The following LYPD5 variants were observed in gnomAD, a reference collection of about 807,000 sequenced individuals.
LYPD5 encodes ly6/PLAUR domain-containing protein 5.
LYPD5 carries 21 observed loss-of-function variants against 19.1 expected under a neutral mutation model. That is an observed-to-expected ratio of 1.10 (90% CI 0.78 to 1.58). LYPD5 has a LOEUF of 1.58. Among genes scored for constraint, LYPD5 ranks in the 40% most tolerant of loss-of-function variants. The probability of loss-of-function intolerance (pLI) is 0.00; values close to 1 mark genes in which losing one functional copy is unlikely to be tolerated. For synonymous variants in LYPD5, 128 were observed against 142.7 expected (o/e 0.90, Z 0.74); for missense variants, 287 against 329.8 (o/e 0.87, Z 1.00).
At chr19:43,807,262 CTTTCTTTTCT>C (rs148332176), upstream of LYPD5, among the ~76,000 whole-genome samples, 5 of 123,346 alleles carry the variant, frequency 4.1e-5, no homozygotes, top group South Asian at 2.4e-4. Flanking sequence ...ACCTCATTTT[CTTTCTTTTCT>C]TTTCTTTTCT....
chr19:43,815,851 C>T, intron 1 of LYPD5: 1 of 263,742 alleles, frequency 3.8e-6, no homozygotes, highest in Non-Finnish European at 7.4e-6. Context: ...GATTCCCCTG[C>T]CTCAGCCTCC....
At chr19:43,801,687 C>T (rs1970224853) in intron 1 of LYPD5, among the ~76,000 whole-genome samples, 1 of 152,158 alleles carries the variant, frequency 6.6e-6, no homozygotes, top group Non-Finnish European at 1.5e-5. Context: ...AAAACCTATA[C>T]AGAGAAACAC....
At chr19:43,812,359 A>ATCTG (rs1186810407) in intron 1 of LYPD5, among the ~76,000 whole-genome samples, 2 of 141,020 alleles carry the variant, frequency 1.4e-5, no homozygotes, top group East Asian at 4.0e-4. Flanking sequence ...CTATCTATCT[A>ATCTG]TCTATCTATC....
rs349046 is a variant in LYPD5, at chr19:43,796,474, C to T, written c.*1117G>A. The T allele has an allele frequency of 0.45, 68,209 of 152,402 alleles. 15,859 individuals carry two copies. Among genetic ancestry groups the T allele is most frequent in the South Asian group, 0.61 (2,956 of 4,820 alleles). The allele number at this position is 152,402 out of a possible 1,614,324, so 9.4% of individuals were successfully genotyped here. A position where few individuals can be genotyped will look rare whatever the true frequency, so the allele number is the denominator to read the frequency against. On this transcript the variant is annotated 3_prime_UTR_variant, in exon 5 of 5. Transcript: ENST00000377950. ...CAGGCTGTCTCCTCTACCTAGAATG[C>T]GCTTCCTCCTGCTTCTTTTTGCCAG...
At chr19:43,814,649 T>C (rs1321681617) in intron 1 of LYPD5, among the ~76,000 whole-genome samples, 4 of 152,204 alleles carry the variant, frequency 2.6e-5, no homozygotes, top group Admixed American at 6.5e-5. Context: ...GTCACACTGA[T>C]CCATCTGTGA....
chr19:43,818,806 A>C (rs779986308), intron 1 of LYPD5, among the ~76,000 whole-genome samples: 1 of 152,044 alleles, frequency 6.6e-6, no homozygotes, highest in Admixed American at 6.6e-5. Context: ...TCTTAATTCA[A>C]CTCTTGCATG....
chr19:43,819,516 C>T (rs1370676054), intron 1 of LYPD5, among the ~76,000 whole-genome samples: 1 of 151,932 alleles, frequency 6.6e-6, no homozygotes, highest in Non-Finnish European at 1.5e-5. Flanking sequence ...TCTTTTCTGT[C>T]CTTTTTCTAA....
intron 1 of LYPD5, 64 bp from the exon 2 acceptor site, chr19:43,799,898 T>C: frequency 6.6e-7 from 1 of 1,522,634 alleles, no homozygotes; most frequent in Non-Finnish European, 8.8e-7. Flanking sequence ...AACTCAGAGC[T>C]CCACCCAGCA....
At chr19:43,806,163 T>C (rs1364150347), upstream of LYPD5, among the ~76,000 whole-genome samples, 1 of 152,182 alleles carries the variant, frequency 6.6e-6, no homozygotes, top group Non-Finnish European at 1.5e-5. Context: ...TTCATCTGTA[T>C]TTACAGCCTC....
At chr19:43,814,893 T>C (rs900962122) in intron 1 of LYPD5, among the ~76,000 whole-genome samples, 1 of 152,238 alleles carries the variant, frequency 6.6e-6, no homozygotes, top group African/African-American at 2.4e-5. Flanking sequence ...GTTTTAGTCA[T>C]ATAGATACTT....
chr19:43,798,896 C>G lies in LYPD5; in HGVS notation c.286G>C (p.Asp96His), dbSNP rs757054357. The G allele has an allele frequency of 6.2e-7, 1 of 1,603,530 alleles. No homozygotes were observed. Among genetic ancestry groups the G allele is most frequent in the Non-Finnish European group, 8.5e-7 (1 of 1,175,320 alleles). ...TQSNADALPP[D>H]YSVVRGCTTD... is the part of the protein sequence containing the mutation. ...GTGCAGCCGCGCACCACCGAGTAGT[C>G]TGGCGGCAGCGCGTCCGCGTTCGAT... Residue 96 changes from aspartate (D) to histidine (H), a missense_variant, in exon 3 of 5, where the codon GAC (aspartate) becomes CAC (histidine). Coordinates refer to ENST00000377950, the MANE Select transcript of LYPD5 (RefSeq NM_001031749.3).
At chr19:43,812,818 A>G (rs1970338032) in intron 1 of LYPD5, among the ~76,000 whole-genome samples, 1 of 152,246 alleles carries the variant, frequency 6.6e-6, no homozygotes, top group Admixed American at 6.5e-5. Flanking sequence ...ATTAAGGGAC[A>G]GATGATGCAG....
At chr19:43,805,669 G>A (rs1378192151), upstream of LYPD5, among the ~76,000 whole-genome samples, 6 of 152,158 alleles carry the variant, frequency 3.9e-5, no homozygotes, top group African/African-American at 1.4e-4. Context: ...CACCATGCCT[G>A]GCTAATTTTT....
intron 1 of LYPD5, among the ~76,000 whole-genome samples, chr19:43,808,874 C>A (rs1364895560): frequency 6.6e-6 from 1 of 152,190 alleles, no homozygotes; most frequent in African/African-American, 2.4e-5. Flanking sequence ...GGCAACAAAT[C>A]ATTAAATTTT....
chr19:43,816,554 C>T lies in LYPD5; in HGVS notation c.-66+3986G>A, dbSNP rs7259961. Among the ~76,000 whole-genome samples, 375 of 152,336 alleles carry T rather than the reference C, an allele frequency of 2.5e-3. 3 individuals are homozygous for T. The highest frequency in any genetic ancestry group is 8.7e-3 in the African/African-American group (360 of 41,578). ...ATCAAGTAAAATACATTTGTCAGATCATTAAGCACATACTAAGGACCAAAA... is the reference window on the plus strand; with the variant it reads ...ATCAAGTAAAATACATTTGTCAGATTATTAAGCACATACTAAGGACCAAAA... On this transcript the variant is annotated intron_variant, in intron 1 of 4. Transcript: ENST00000414615.
upstream of LYPD5, among the ~76,000 whole-genome samples, chr19:43,803,053 CAG>C (rs1034726259): frequency 6.6e-6 from 1 of 151,934 alleles, no homozygotes; most frequent in African/African-American, 2.4e-5. Flanking sequence ...AAAAGAGAAA[CAG>C]AGAGAGAGGA....
At position 43,813,739 on chromosome 19, in the gene LYPD5, G is replaced by C. The variant is rs113675984; in HGVS notation, c.-66+6801C>G. 2.3e-4 allele frequency among the ~76,000 whole-genome samples: 35 copies of C among 152,240 alleles called. 1 individual carries two copies. The highest frequency in any genetic ancestry group is 7.9e-4 in the African/African-American group (33 of 41,544). On this transcript the variant is annotated intron_variant, in intron 1 of 4. Transcript: ENST00000414615. ...GTTTCATTCTGTTGCCCAGGCTGGA[G>C]CGCAGTGGTGCAATCTTGGCTCATT...
upstream of LYPD5, among the ~76,000 whole-genome samples, chr19:43,804,356 A>T (rs1200942880): frequency 6.6e-6 from 1 of 152,094 alleles, no homozygotes; most frequent in African/African-American, 2.4e-5. Flanking sequence ...AAACATTTGC[A>T]GACTCAGGAA....
At position 43,802,320 on chromosome 19, in the gene LYPD5, T is replaced by G; in HGVS notation, c.61A>C (p.Thr21Pro). The G allele has an allele frequency of 5.8e-6, 9 of 1,551,578 alleles. No individual in the cohort carries two copies. Among genetic ancestry groups the G allele is most frequent in the Non-Finnish European group, 7.8e-6 (9 of 1,146,940 alleles). The change falls in exon 1 of 5, where the codon ACA becomes CCA. Residue 21 changes from threonine (T) to proline (P), a missense_variant. Thr to Pro is a conservative substitution (Grantham distance 38). Coordinates refer to ENST00000377950, the MANE Select transcript of LYPD5 (RefSeq NM_001031749.3). ...LCLFGAALCL[T>P]GSQALQCYSF... ...CTGGATTCAGAAGTTTGCGTACCTG[T>G]CAGGCAGAGCGCAGCCCCAAAGAGG...
Sources: gnomAD v4.1 joint callset for allele counts (sites outside exome capture counted in the v4.1 genomes callset) on GRCh38, gnomAD v4.1.1 for gene constraint, MANE v1.5 for transcripts, NCBI Gene and HGNC (gene_info 2026-07-23, HGNC 2026-07-21) for gene names.